Variants in PEX14 observed in about 807,000 individuals in gnomAD.
PEX14 encodes the protein peroxisomal membrane protein PEX14.
A neutral mutation model predicts 49.5 loss-of-function variants in PEX14; 15 were observed. The ratio of observed to expected loss-of-function variants is 0.30; its 90% confidence interval spans 0.20 to 0.47. The LOEUF is 0.47. Ranked by LOEUF, PEX14 falls within the 20% of genes least tolerant of loss-of-function variation. The pLI is 1.00. For synonymous variants in PEX14, 210 were observed against 212.7 expected, an observed-to-expected ratio of 0.99 and a Z score of 0.11; for missense variants, 398 against 494.8, an observed-to-expected ratio of 0.80 and a Z score of 1.86.
intron 3 of PEX14, among the ~76,000 whole-genome samples, chr1:10,567,769 A>G (rs1046661257): frequency 6.6e-6 from 1 of 152,112 alleles, no homozygotes; most frequent in Non-Finnish European, 1.5e-5. Flanking sequence ...TGCTGACATT[A>G]CAGGTGTGAG....
intron 2 of PEX14, among the ~76,000 whole-genome samples, chr1:10,508,506 T>G (rs1641827895): frequency 6.6e-6 from 1 of 152,006 alleles, no homozygotes; most frequent in Admixed American, 6.6e-5. Flanking sequence ...TGTGCCAGAT[T>G]TTTAGATTGG....
rs551248075 is a variant in PEX14 at position 10,622,447 on chromosome 1, C to A, written c.385-572C>A. Among the ~76,000 whole-genome samples, 4 of 152,314 alleles carry A rather than the reference C, an allele frequency of 2.6e-5. No individual in the cohort carries two copies. The South Asian group carries it at 8.3e-4, about 32-fold the overall frequency. On this transcript the variant is annotated intron_variant, in intron 5 of 8. Coordinates refer to ENST00000356607, the MANE Select transcript of PEX14 (RefSeq NM_004565.3). ...CAGCCTCAGAGCGCACATGTTATCC[C>A]CTGGCGAGAGAACCAAGGGTCCCAG...
intron 1 of PEX14, among the ~76,000 whole-genome samples, chr1:10,480,892 T>A (rs1198107554): frequency 6.6e-6 from 1 of 151,460 alleles, no homozygotes; most frequent in Non-Finnish European, 1.5e-5. Flanking sequence ...GAAGGATTTG[T>A]GGTAAGTTAC....
At chr1:10,523,211 T>G (rs1049465985) in intron 2 of PEX14, among the ~76,000 whole-genome samples, 5 of 152,234 alleles carry the variant, frequency 3.3e-5, no homozygotes, top group Non-Finnish European at 5.9e-5. Context: ...AGCTTTTATC[T>G]TCTATGATTT....
intron 3 of PEX14, among the ~76,000 whole-genome samples, chr1:10,584,096 T>A (rs1238110832): frequency 1.3e-5 from 2 of 152,218 alleles, no homozygotes; most frequent in Non-Finnish European, 2.9e-5. Context: ...AGTGTTGAGA[T>A]GTGATCAGAT....
intron 4 of PEX14, among the ~76,000 whole-genome samples, chr1:10,610,398 C>T (rs147306950): frequency 0.036 from 5,032 of 140,476 alleles, 121 homozygotes; most frequent in East Asian, 0.085. Context: ...CACACACACA[C>T]ATATATATAT....
intron 3 of PEX14, among the ~76,000 whole-genome samples, chr1:10,588,758 G>A (rs79121089): frequency 0.073 from 11,049 of 152,070 alleles, 522 homozygotes; most frequent in Middle Eastern, 0.14. Flanking sequence ...GTGACCCCAC[G>A]TGCAAGAGTA....
chr1:10,478,134 C>T (rs886318940), intron 1 of PEX14, among the ~76,000 whole-genome samples: 1 of 152,110 alleles, frequency 6.6e-6, no homozygotes, highest in African/African-American at 2.4e-5. Context: ...GTAACCTGCC[C>T]ACCTCGGCCT....
Position 10,494,175 on chromosome 1 carries a change from C to T in PEX14, c.37-1099C>T, listed in dbSNP as rs1448188086. On this transcript the variant is annotated intron_variant, in intron 1 of 8. Transcript: ENST00000356607. This position sits in a 1 kb window ranked among gnomAD's most constrained non-coding sequence, Gnocchi z 4.3. ...ATAGAGGCCTTCACCCAGCAGAGTG[C>T]TTGCCACTGTGCTGTGTGCCAGCTA... Among the ~76,000 whole-genome samples the T allele has an allele frequency of 1.3e-5, 2 of 152,188 alleles. No homozygotes were observed. Among genetic ancestry groups the T allele is most frequent in the Non-Finnish European group, 2.9e-5 (2 of 68,036 alleles).
At chr1:10,573,339 G>A (rs559743529) in intron 3 of PEX14, among the ~76,000 whole-genome samples, 1 of 152,290 alleles carries the variant, frequency 6.6e-6, no homozygotes, top group South Asian at 2.1e-4. Flanking sequence ...GCTCACACCT[G>A]TAATCTCAGC....
intron 3 of PEX14, among the ~76,000 whole-genome samples, chr1:10,558,736 CAAAAAAAAAAA>C (rs34343338): frequency 0.045 from 5,155 of 113,512 alleles, 326 homozygotes; most frequent in African/African-American, 0.15. Context: ...GACCCTGTCT[CAAAAAAAAAAA>C]AAAAAAAAAG....
At position 10,494,957 on chromosome 1, in the gene PEX14, G is replaced by C. The variant is rs1452096604; in HGVS notation, c.37-317G>C. ...CTTTTCTCTGGACTCTACTCTTCCC[G>C]TGGATTTTGGGATGGTCCCCAGCCC... is the stretch of plus-strand genomic sequence containing the variant. On this transcript the variant is annotated intron_variant, in intron 1 of 8. Transcript: ENST00000356607. The surrounding 1 kb of genome is among the most constrained non-coding windows in gnomAD (Gnocchi z 4.3). The C allele has an allele frequency of 1.0e-5, 2 of 198,174 alleles. No homozygotes were observed. Among genetic ancestry groups the C allele is most frequent in the African/African-American group, 4.7e-5 (2 of 42,260 alleles). The allele number at this position is 198,174 out of a possible 1,614,324, so 12.3% of individuals were successfully genotyped here.
At chr1:10,547,722 A>G (rs931882689) in intron 3 of PEX14, among the ~76,000 whole-genome samples, 1 of 152,208 alleles carries the variant, frequency 6.6e-6, no homozygotes, top group Non-Finnish European at 1.5e-5. Context: ...GGTAACTGAG[A>G]CTGCAAAAAG....
At chr1:10,580,381 C>T (rs2086650) in intron 3 of PEX14, among the ~76,000 whole-genome samples, 59,748 of 151,760 alleles carry the variant, frequency 0.39, 12,914 homozygotes, top group East Asian at 0.59. Context: ...CATGCTACCT[C>T]GCCTGGTTAA....
chr1:10,576,941 G>A (rs183364710), intron 3 of PEX14, among the ~76,000 whole-genome samples: 9 of 151,688 alleles, frequency 5.9e-5, no homozygotes, highest in East Asian at 3.9e-4. Flanking sequence ...TTAGTAGAGG[G>A]GGTTTCACCA....
At chr1:10,497,967 AT>A (rs1223984522) in intron 2 of PEX14, among the ~76,000 whole-genome samples, 3 of 152,144 alleles carry the variant, frequency 2.0e-5, no homozygotes, top group Admixed American at 2.0e-4. Context: ...CTTTGAAATA[AT>A]TTTTCCCCTT....
In PEX14 at chr1:10,629,446, C is replaced by A. The variant is rs1641844172; in HGVS notation, c.678-85C>A. The A allele has an allele frequency of 9.8e-6, 9 of 916,866 alleles. No homozygotes were observed. The highest frequency in any genetic ancestry group is 1.6e-5 in the African/African-American group (1 of 61,916). 56.8% of individuals were successfully genotyped at this position (916,866 alleles called of 1,614,324 possible). A position where few individuals can be genotyped will look rare whatever the true frequency, so the allele number is the denominator to read the frequency against. The stretch of plus-strand genomic sequence containing the variant: ...GGGGAGCAGCTCACCATCGCCGAGC[C>A]CTTGCGGGTCAGGGAAGGCGTGGCC... On this transcript the variant is annotated intron_variant, in intron 8 of 8. Coordinates refer to ENST00000356607, the MANE Select transcript of PEX14 (RefSeq NM_004565.3). The surrounding 1 kb of genome is among the most constrained non-coding windows in gnomAD (Gnocchi z 8.5).
In PEX14 at chr1:10,489,141, C is replaced by T. The variant is rs577525178; in HGVS notation, c.37-6133C>T. Among the ~76,000 whole-genome samples, 168 of 152,144 alleles carry T rather than the reference C, an allele frequency of 1.1e-3. No individual in the cohort carries two copies. The Middle Eastern group carries it at 0.017, about 15-fold the overall frequency. ...GATTACAGGCATGCACCACCACACC[C>T]GGCTAATTTTTGTATTCTTAGTAGA... On this transcript the variant is annotated intron_variant, in intron 1 of 8. Coordinates refer to ENST00000356607, the MANE Select transcript of PEX14 (RefSeq NM_004565.3).
intron 3 of PEX14, among the ~76,000 whole-genome samples, chr1:10,557,969 A>C (rs1407671436): frequency 6.6e-6 from 1 of 151,490 alleles, no homozygotes; most frequent in African/African-American, 2.4e-5. Flanking sequence ...AGAACGATTT[A>C]TTTCTTTCCC....
Sources: allele counts gnomAD v4.1 joint callset (sites outside exome capture counted in the v4.1 genomes callset), GRCh38; gene constraint gnomAD v4.1.1; non-coding constraint Gnocchi (gnomAD v3.1); transcripts MANE v1.5; gene names NCBI Gene and HGNC (gene_info 2026-07-23, HGNC 2026-07-21).